Variants in GRM7 observed in about 807,000 individuals in gnomAD.
GRM7 encodes glutamate metabotropic receptor 7.
GRM7 carries 35 observed loss-of-function variants against 84.5 expected under a neutral mutation model. The ratio of observed to expected loss-of-function variants is 0.41; its 90% CI spans 0.32 to 0.55. GRM7 has a LOEUF of 0.55. Among genes scored for constraint, GRM7 ranks in the 20% least tolerant of loss-of-function variants. The pLI is 0.19. For missense variants in GRM7, 1,003 were observed against 1,194.6 expected (o/e 0.84, Z 2.36); for synonymous variants, 487 against 455.1 (o/e 1.07, Z -0.89).
intron 7 of GRM7, among the ~76,000 whole-genome samples, chr3:7,465,243 A>G (rs889619560): frequency 6.6e-6 from 1 of 152,102 alleles, no homozygotes; most frequent in African/African-American, 2.4e-5. Context: ...AGTAGTTTAT[A>G]CTTGGTATTG....
intron 2 of GRM7, among the ~76,000 whole-genome samples, chr3:7,280,939 A>C (rs188921064): frequency 6.6e-6 from 1 of 152,138 alleles, no homozygotes; most frequent in Non-Finnish European, 1.5e-5. Flanking sequence ...GGAGAAATGC[A>C]TGTGTTTCTA....
chr3:7,451,742 C>T (rs1224857824), intron 5 of GRM7: 1 of 152,186 alleles, frequency 6.6e-6, no homozygotes, highest in African/African-American at 2.4e-5. Context: ...AAAAATCCCA[C>T]ATCCACAGCT....
rs114118230 is a variant in GRM7, at chr3:7,497,955, T to C, written c.1515+36233T>C. ...CTAACAATCAATAATAATTGTATTA[T>C]TGATTCTTCTTCCAGGAAGTCCAAT... is the stretch of plus-strand genomic sequence containing the variant. On this transcript the variant is annotated intron_variant, in intron 7 of 9. Transcript: ENST00000357716. Among the ~76,000 whole-genome samples, 494 of 152,350 alleles carry C rather than the reference T, an allele frequency of 3.2e-3. 2 individuals carry two copies. The highest frequency in any genetic ancestry group is 5.7e-3 in the Non-Finnish European group (386 of 68,040).
rs371781190 is a variant in GRM7 at position 6,958,182 on chromosome 3, T to C, written c.519+96275T>C. 3.9e-4 allele frequency among the ~76,000 whole-genome samples: 60 copies of C among 152,142 alleles called. No homozygotes were observed. The South Asian group carries it at 0.011, about 28-fold the overall frequency. On this transcript the variant is annotated intron_variant, in intron 1 of 9. Transcript: ENST00000357716. ...TTTTCTTGTGCCCCTATGCAATCTTTGTTACTCTCTATATATTAGTTTACA... is the reference window on the plus strand; with the variant it reads ...TTTTCTTGTGCCCCTATGCAATCTTCGTTACTCTCTATATATTAGTTTACA...
intron 4 of GRM7, among the ~76,000 whole-genome samples, chr3:7,342,910 G>A (rs973375009): frequency 2.6e-5 from 4 of 152,172 alleles, no homozygotes; most frequent in African/African-American, 9.7e-5. Context: ...TCTCTCATCT[G>A]TAAAATGCGG....
intron 7 of GRM7, among the ~76,000 whole-genome samples, chr3:7,522,642 C>T (rs1179133422): frequency 1.3e-5 from 2 of 152,150 alleles, no homozygotes; most frequent in Admixed American, 6.6e-5. Context: ...ACTTTCACTT[C>T]GTCTCAAGTT....
chr3:7,496,444 A>T (rs997006250), intron 7 of GRM7, among the ~76,000 whole-genome samples: 2 of 152,190 alleles, frequency 1.3e-5, no homozygotes, highest in Non-Finnish European at 2.9e-5. Flanking sequence ...ATATTTTTTA[A>T]AAAATGATGT....
chr3:7,216,487 ATGG>A (rs939474151), intron 2 of GRM7, among the ~76,000 whole-genome samples: 5 of 152,192 alleles, frequency 3.3e-5, no homozygotes, highest in African/African-American at 1.2e-4. Flanking sequence ...GAATATTTTA[ATGG>A]TGATTTGACA....
chr3:7,625,180 A>AG (rs777319955), intron 8 of GRM7, among the ~76,000 whole-genome samples: 1 of 152,166 alleles, frequency 6.6e-6, no homozygotes, highest in Non-Finnish European at 1.5e-5. Flanking sequence ...GAAACTCTTT[A>AG]GAACACTCTG....
intron 1 of GRM7, among the ~76,000 whole-genome samples, chr3:6,869,264 CA>C (rs1324002233): frequency 4.6e-5 from 7 of 152,032 alleles, no homozygotes; most frequent in Non-Finnish European, 1.0e-4. Flanking sequence ...AAAAAGGTAC[CA>C]CACCTTTCAC....
intron 8 of GRM7, among the ~76,000 whole-genome samples, chr3:7,674,017 G>A (rs946454454): frequency 6.6e-6 from 1 of 152,190 alleles, no homozygotes; most frequent in Non-Finnish European, 1.5e-5. Flanking sequence ...TATCCTGACT[G>A]GGGAGATGGG....
intron 8 of GRM7, among the ~76,000 whole-genome samples, chr3:7,676,435 C>T (rs112170986): frequency 0.024 from 3,703 of 152,096 alleles, 62 homozygotes; most frequent in Non-Finnish European, 0.037. Flanking sequence ...TTTTATCATG[C>T]TTATTCTTTG....
rs189951812 is a variant in GRM7 at position 7,041,622 on chromosome 3, A to G, written c.520-104830A>G. 4.6e-5 allele frequency among the ~76,000 whole-genome samples: 7 copies of G among 152,298 alleles called. No individual in the cohort carries two copies. In the East Asian group the frequency reaches 1.4e-3, roughly 29 times the overall value. On this transcript the variant is annotated intron_variant, in intron 1 of 9. Coordinates refer to ENST00000357716, the MANE Select transcript of GRM7 (RefSeq NM_000844.4). The stretch of plus-strand genomic sequence containing the variant: ...GGTCTTCTTATGAACATATGTTTTC[A>G]TTTCTTTTGTGCAAACAACTAGAGT...
At chr3:7,566,779 A>T (rs1291460769) in intron 7 of GRM7, among the ~76,000 whole-genome samples, 2 of 152,192 alleles carry the variant, frequency 1.3e-5, no homozygotes, top group African/African-American at 4.8e-5. Context: ...ATTTCCCGTA[A>T]GGCTGTCCCG....
chr3:7,184,170 A>G (rs907270598), intron 2 of GRM7, among the ~76,000 whole-genome samples: 3 of 152,190 alleles, frequency 2.0e-5, no homozygotes, highest in African/African-American at 7.2e-5. Flanking sequence ...TATTAGGTAC[A>G]TAATATACTA....
intron 8 of GRM7, among the ~76,000 whole-genome samples, chr3:7,629,922 T>C (rs1697791751): frequency 1.3e-5 from 2 of 152,178 alleles, no homozygotes; most frequent in Admixed American, 6.5e-5. Context: ...GTAGGGAAAA[T>C]TAAAATTTTT....
rs1697400963 is a variant in GRM7, at chr3:6,928,907, A to AT, written c.519+67005dup. 6.6e-6 allele frequency among the ~76,000 whole-genome samples: 1 copy of AT among 152,142 alleles called. No individual in the cohort carries two copies. The highest frequency in any genetic ancestry group is 1.5e-5 in the Non-Finnish European group (1 of 68,026). ...ATGCCAGTCATAGTGTTTTAAAGTG[A>AT]TTTTTCCCTCGGCAGTTTTGATTAG... On this transcript the variant is annotated intron_variant, in intron 1 of 9. Coordinates refer to ENST00000357716, the MANE Select transcript of GRM7 (RefSeq NM_000844.4). This position sits in a 1 kb window ranked among gnomAD's most constrained non-coding sequence, Gnocchi z 4.5.
intron 7 of GRM7, among the ~76,000 whole-genome samples, chr3:7,506,184 T>C (rs991503306): frequency 6.6e-6 from 1 of 152,200 alleles, no homozygotes; most frequent in Non-Finnish European, 1.5e-5. Flanking sequence ...CAGTTCATTG[T>C]TACCTAATAA....
At chr3:7,449,011 A>G (rs1417411868) in intron 5 of GRM7, among the ~76,000 whole-genome samples, 1 of 152,092 alleles carries the variant, frequency 6.6e-6, no homozygotes, top group Admixed American at 6.6e-5. Context: ...TATAAAATTC[A>G]TATTAAAAAT....
Sources: gnomAD v4.1 joint callset for allele counts (sites outside exome capture counted in the v4.1 genomes callset) on GRCh38, gnomAD v4.1.1 for gene constraint, Gnocchi (gnomAD v3.1) non-coding constraint, MANE v1.5 for transcripts, NCBI Gene and HGNC (gene_info 2026-07-23, HGNC 2026-07-21) for gene names.